PLEKHH2: variants seen among roughly 807,000 people sequenced by gnomAD.
PLEKHH2 encodes pleckstrin homology domain-containing family H member 2.
A neutral mutation model predicts 187.9 loss-of-function variants in PLEKHH2; 129 were observed. The observed-to-expected ratio is 0.69, with a 90% CI of 0.59 to 0.79. The LOEUF is 0.79. Among genes scored for constraint, PLEKHH2 ranks in the 30% least tolerant of loss-of-function variants. The pLI, the probability that PLEKHH2 is intolerant of heterozygous loss-of-function variation, is 0.00. For missense variants in PLEKHH2, 2,076 were observed against 1,751.2 expected (o/e 1.19, Z -3.31); for synonymous variants, 686 against 605.6 (o/e 1.13, Z -1.95).
intron 24 of PLEKHH2, 87 bp downstream of exon 24, chr2:43,746,050 C>G: frequency 1.4e-6 from 1 of 714,416 alleles, no homozygotes; most frequent in Non-Finnish European, 2.1e-6. Flanking sequence ...TATTGAATGC[C>G]TTAAAAGTTA....
At chr2:43,706,459 T>C (rs374897693) in intron 10 of PLEKHH2, 43 bp downstream of exon 10, 79 of 1,346,710 alleles carry the variant, frequency 5.9e-5, no homozygotes, top group Middle Eastern at 1.8e-4. Context: ...CTTCTCTTCA[T>C]GATGGATCAA....
intron 15 of PLEKHH2, among the ~76,000 whole-genome samples, chr2:43,712,922 T>C (rs1394294733): frequency 1.3e-5 from 2 of 152,182 alleles, no homozygotes; most frequent in East Asian, 3.9e-4. Context: ...TTTTACAAAT[T>C]TTGAAACCTA....
intron 25 of PLEKHH2, among the ~76,000 whole-genome samples, chr2:43,755,983 A>G (rs1672196407): frequency 6.6e-6 from 1 of 152,186 alleles, no homozygotes; most frequent in African/African-American, 2.4e-5. Context: ...AAAAATGTGA[A>G]TCTAGCTCTG....
chr2:43,716,093 G>T (rs1670196726), intron 15 of PLEKHH2, among the ~76,000 whole-genome samples: 1 of 152,120 alleles, frequency 6.6e-6, no homozygotes, highest in Non-Finnish European at 1.5e-5. Context: ...GAGTTTCAAG[G>T]ACTATCTATA....
chr2:43,700,405 A>C lies in PLEKHH2; in HGVS notation c.1447A>C (p.Arg483=). 1 of 1,614,202 alleles carries C rather than the reference A, an allele frequency of 6.2e-7. No homozygotes were observed. Among genetic ancestry groups the C allele is most frequent in the Non-Finnish European group, 8.5e-7 (1 of 1,180,034 alleles). ...RNAISMIRPL[R]PQETDLDLVD... ...CGCTATAAGCATGATACGACCACTG[A>C]GACCTCAGGAAACTGATCTTGATCT... Residue 483 remains arginine, a synonymous_variant, in exon 8 of 30, where the codon AGA becomes CGA. Coordinates refer to ENST00000282406, the MANE Select transcript of PLEKHH2 (RefSeq NM_172069.4).
intron 3 of PLEKHH2, among the ~76,000 whole-genome samples, chr2:43,690,387 G>A (rs1032601973): frequency 6.6e-6 from 1 of 150,784 alleles, no homozygotes; most frequent in Admixed American, 6.6e-5. Flanking sequence ...TTCCAGCCAT[G>A]TGGTTGGTAT....
chr2:43,680,667 G>T, intron 3 of PLEKHH2: 1 of 365,154 alleles, frequency 2.7e-6, no homozygotes, highest in Admixed American at 3.8e-5. Context: ...TAGTGGTTTG[G>T]CTTTCTGGCT....
chr2:43,676,621 C>T (rs930366807), intron 2 of PLEKHH2, among the ~76,000 whole-genome samples: 1 of 152,022 alleles, frequency 6.6e-6, no homozygotes. Context: ...TAAAGTGAGC[C>T]AGACATCAGC....
At chr2:43,730,095 G>C (rs1459996070) in intron 18 of PLEKHH2, among the ~76,000 whole-genome samples, 1 of 152,118 alleles carries the variant, frequency 6.6e-6, no homozygotes, top group Non-Finnish European at 1.5e-5. Flanking sequence ...GCTCATAAAA[G>C]GTGCTTCATC....
chr2:43,758,775 G>A (rs981334988), intron 26 of PLEKHH2, 125 bp from the exon 27 acceptor site: 68 of 719,690 alleles, frequency 9.4e-5, no homozygotes, highest in South Asian at 7.3e-4. Context: ...TCTTTACCTG[G>A]GTTATGCCTA....
rs369236673 is a variant in PLEKHH2 at position 43,711,147 on chromosome 2, A to C, written c.2301+572A>C. 6.5e-5 allele frequency: 64 copies of C among 985,662 alleles called. No homozygotes were observed. In the South Asian group the frequency reaches 2.6e-3, roughly 40 times the overall value. The allele number at this position is 985,662 out of a possible 1,614,324, so 61.1% of individuals were successfully genotyped here. A position where few individuals can be genotyped will look rare whatever the true frequency, so the allele number is the denominator to read the frequency against. ...TAAATTTAAAACACAGGCTGTTGAG[A>C]TATTCTAGTATATGTAATTTAAAGT... On this transcript the variant is annotated intron_variant, in intron 14 of 29. Coordinates refer to ENST00000282406, the MANE Select transcript of PLEKHH2 (RefSeq NM_172069.4).
At chr2:43,689,971 G>A (rs936785306) in intron 3 of PLEKHH2, among the ~76,000 whole-genome samples, 10 of 152,222 alleles carry the variant, frequency 6.6e-5, no homozygotes, top group African/African-American at 1.9e-4. Flanking sequence ...TTAATAAAAG[G>A]ACACTAGATG....
At chr2:43,685,768 G>C (rs973191679) in intron 3 of PLEKHH2, among the ~76,000 whole-genome samples, 1 of 152,022 alleles carries the variant, frequency 6.6e-6, no homozygotes, top group Non-Finnish European at 1.5e-5. Flanking sequence ...TATTATTGTT[G>C]TTCACAAGTT....
At chr2:43,752,097 C>T (rs1672034567) in intron 24 of PLEKHH2, among the ~76,000 whole-genome samples, 1 of 152,144 alleles carries the variant, frequency 6.6e-6, no homozygotes, top group South Asian at 2.1e-4. Context: ...CTTAGCTAAA[C>T]TCTAATGGAT....
At chr2:43,650,688 C>T (rs1455699816) in intron 2 of PLEKHH2, among the ~76,000 whole-genome samples, 5 of 151,274 alleles carry the variant, frequency 3.3e-5, no homozygotes, top group African/African-American at 1.2e-4. Context: ...CTCTGCTGCC[C>T]AAGCTGGAGT....
At chr2:43,719,690 C>T (rs865780989) in intron 15 of PLEKHH2, among the ~76,000 whole-genome samples, 1 of 152,208 alleles carries the variant, frequency 6.6e-6, no homozygotes, top group East Asian at 1.9e-4. Context: ...TCCACCGCCT[C>T]GGCCTCCAAA....
chr2:43,658,444 T>A (rs1666898783), intron 2 of PLEKHH2, among the ~76,000 whole-genome samples: 1 of 152,234 alleles, frequency 6.6e-6, no homozygotes, highest in South Asian at 2.1e-4. Flanking sequence ...CTATAAGCAT[T>A]TATTATCTTG....
At chr2:43,655,883 A>G (rs1666733117) in intron 2 of PLEKHH2, among the ~76,000 whole-genome samples, 1 of 152,210 alleles carries the variant, frequency 6.6e-6, no homozygotes, top group Non-Finnish European at 1.5e-5. Flanking sequence ...CTTTGTTCAG[A>G]AAAATCTTTC....
chr2:43,708,843 C>T (rs1403542968), intron 11 of PLEKHH2, among the ~76,000 whole-genome samples: 2 of 152,238 alleles, frequency 1.3e-5, no homozygotes, highest in East Asian at 1.9e-4. Context: ...TCACTGAGGT[C>T]CCTATAGGTC....
Sources: gnomAD v4.1 joint callset for allele counts (sites outside exome capture counted in the v4.1 genomes callset) on GRCh38, gnomAD v4.1.1 for gene constraint, MANE v1.5 for transcripts, NCBI Gene and HGNC (gene_info 2026-07-23, HGNC 2026-07-21) for gene names.